Variants in NDUFS4 observed in about 807,000 individuals in gnomAD.
NDUFS4 encodes the protein NADH:ubiquinone oxidoreductase subunit S4, also known as NADH dehydrogenase [ubiquinone] iron-sulfur protein 4, mitochondrial.
NDUFS4 carries 28 observed loss-of-function variants against 24.3 expected under a neutral mutation model. The observed-to-expected ratio is 1.15, with a 90% confidence interval of 0.85 to 1.58. NDUFS4 has a LOEUF of 1.58. NDUFS4 is among the 40% of genes most tolerant of loss of function. The pLI is 0.00. For synonymous variants in NDUFS4, 93 were observed against 69.7 expected (o/e 1.34, Z -1.67); for missense variants, 223 against 207.9 (o/e 1.07, Z -0.45).
At chr5:53,646,691 G>T (rs1436160359) in intron 3 of NDUFS4, among the ~76,000 whole-genome samples, 1 of 143,488 alleles carries the variant, frequency 7.0e-6, no homozygotes, top group African/African-American at 2.7e-5. Flanking sequence ...TATGTATACA[G>T]CAGTCCCCCC....
At chr5:53,607,243 T>G (rs1425407949) in intron 2 of NDUFS4, among the ~76,000 whole-genome samples, 1 of 152,204 alleles carries the variant, frequency 6.6e-6, no homozygotes, top group Non-Finnish European at 1.5e-5. Flanking sequence ...GTGATAGTTT[T>G]TCAACCGTTG....
At chr5:53,611,346 A>G (rs187412093) in intron 2 of NDUFS4, among the ~76,000 whole-genome samples, 20 of 152,112 alleles carry the variant, frequency 1.3e-4, no homozygotes, top group South Asian at 1.0e-3. Context: ...ACTATATACA[A>G]TGTTAACATT....
intron 1 of NDUFS4, among the ~76,000 whole-genome samples, chr5:53,580,978 C>T (rs940649612): frequency 1.3e-5 from 2 of 152,060 alleles, no homozygotes; most frequent in Non-Finnish European, 2.9e-5. Flanking sequence ...GGATTACAGG[C>T]ATGTGCCACC....
chr5:53,612,024 A>G (rs1750712997), intron 2 of NDUFS4, among the ~76,000 whole-genome samples: 1 of 152,112 alleles, frequency 6.6e-6, no homozygotes, highest in Non-Finnish European at 1.5e-5. Flanking sequence ...ACTGATTCCT[A>G]TAACTATTTA....
At chr5:53,630,411 C>T (rs1299328035) in intron 2 of NDUFS4, among the ~76,000 whole-genome samples, 1 of 151,344 alleles carries the variant, frequency 6.6e-6, no homozygotes, top group South Asian at 2.2e-4. Flanking sequence ...ATTTCCTCAA[C>T]TTGAATGTTG....
At chr5:53,681,820 T>G (rs541285717) in intron 4 of NDUFS4, among the ~76,000 whole-genome samples, 1 of 152,224 alleles carries the variant, frequency 6.6e-6, no homozygotes, top group South Asian at 2.1e-4. Flanking sequence ...AATACGCTGT[T>G]AAATGTTGTT....
intron 2 of NDUFS4, among the ~76,000 whole-genome samples, chr5:53,607,869 G>A (rs1217900357): frequency 2.0e-5 from 3 of 152,136 alleles, no homozygotes; most frequent in Non-Finnish European, 2.9e-5. Flanking sequence ...ATTTTCAAAC[G>A]AGTGCCAAAA....
chr5:53,598,126 G>C (rs540807038), intron 1 of NDUFS4, among the ~76,000 whole-genome samples: 1 of 152,306 alleles, frequency 6.6e-6, no homozygotes, highest in Non-Finnish European at 1.5e-5. Context: ...AGGATGAAGA[G>C]AGCAAGAAGT....
chr5:53,678,396 C>T (rs1423500821), intron 4 of NDUFS4, among the ~76,000 whole-genome samples: 2 of 152,096 alleles, frequency 1.3e-5, no homozygotes, highest in Non-Finnish European at 2.9e-5. Flanking sequence ...AAATCTGTGC[C>T]ATATGGCTAC....
At chr5:53,585,325 T>TAA (rs1749712700) in intron 1 of NDUFS4, among the ~76,000 whole-genome samples, 1 of 152,230 alleles carries the variant, frequency 6.6e-6, no homozygotes, top group African/African-American at 2.4e-5. Context: ...AGTCTGCAGT[T>TAA]TTATTGACTC....
At chr5:53,667,420 G>A (rs560921639) in intron 4 of NDUFS4, among the ~76,000 whole-genome samples, 3 of 150,452 alleles carry the variant, frequency 2.0e-5, no homozygotes, top group Admixed American at 1.3e-4. Flanking sequence ...AGCTGAGATC[G>A]TGCCATTGCA....
At chr5:53,623,174 A>G (rs1179323623) in intron 2 of NDUFS4, among the ~76,000 whole-genome samples, 2 of 152,196 alleles carry the variant, frequency 1.3e-5, no homozygotes, top group African/African-American at 4.8e-5. Flanking sequence ...TTATACGTTG[A>G]GCATTTTGAG....
chr5:53,660,645 A>G (rs900534095), intron 4 of NDUFS4, among the ~76,000 whole-genome samples: 4 of 152,068 alleles, frequency 2.6e-5, no homozygotes, highest in African/African-American at 9.7e-5. Flanking sequence ...TTTTCTCCAC[A>G]TCCTCTCCAG....
intron 1 of NDUFS4, among the ~76,000 whole-genome samples, chr5:53,597,667 T>A (rs1053441960): frequency 1.3e-5 from 2 of 152,152 alleles, no homozygotes; most frequent in Non-Finnish European, 2.9e-5. Flanking sequence ...ATTAGAAAAC[T>A]CTGAGGAAGG....
intron 1 of NDUFS4, among the ~76,000 whole-genome samples, chr5:53,581,531 C>T (rs912509724): frequency 6.6e-6 from 1 of 152,116 alleles, no homozygotes; most frequent in Non-Finnish European, 1.5e-5. Flanking sequence ...CTTGCAACCC[C>T]TAAATGTTTT....
At chr5:53,681,898 G>A (rs932191097) in intron 4 of NDUFS4, among the ~76,000 whole-genome samples, 1 of 151,990 alleles carries the variant, frequency 6.6e-6, no homozygotes, top group African/African-American at 2.4e-5. Context: ...TAACTTTTGT[G>A]GTAAAACTGA....
At chr5:53,584,585 C>T (rs1047896625) in intron 1 of NDUFS4, among the ~76,000 whole-genome samples, 2 of 152,052 alleles carry the variant, frequency 1.3e-5, no homozygotes, top group African/African-American at 4.8e-5. Flanking sequence ...GGTGATCCAC[C>T]TGCCTCTGCC....
chr5:53,567,484 TG>T (rs1455213255), intron 1 of NDUFS4, among the ~76,000 whole-genome samples: 2 of 152,348 alleles, frequency 1.3e-5, no homozygotes, highest in Admixed American at 1.3e-4. Context: ...TAATTATTTT[TG>T]GTAAGGGACT....
chr5:53,613,086 T>G (rs903791710), intron 2 of NDUFS4, among the ~76,000 whole-genome samples: 6 of 152,108 alleles, frequency 3.9e-5, no homozygotes, highest in Admixed American at 6.6e-5. Context: ...TTGCTTTGAC[T>G]GTTTACTTTT....
Sources: gnomAD v4.1 joint callset for allele counts (sites outside exome capture counted in the v4.1 genomes callset) on GRCh38, gnomAD v4.1.1 for gene constraint, MANE v1.5 for transcripts, NCBI Gene and HGNC (gene_info 2026-07-23, HGNC 2026-07-21) for gene names.